Variants in MICU1 observed in about 807,000 individuals in gnomAD.
MICU1 encodes mitochondrial calcium uptake 1.
Under a neutral mutation model 56.8 loss-of-function variants are expected in MICU1, and 45 were observed. That is an observed-to-expected ratio of 0.79 (90% CI 0.62 to 1.02). MICU1 has a LOEUF of 1.02. MICU1 is among the 50% of genes least tolerant of loss of function. The pLI is 0.00. For missense variants in MICU1, 504 were observed against 587.1 expected (o/e 0.86, Z 1.46); for synonymous variants, 186 against 195.1 (o/e 0.95, Z 0.39).
chr10:72,438,942 C>G (rs986362745), intron 8 of MICU1, among the ~76,000 whole-genome samples: 1 of 152,110 alleles, frequency 6.6e-6, no homozygotes, highest in African/African-American at 2.4e-5. Flanking sequence ...CAGGACCAGA[C>G]GGATTCACAG....
At chr10:72,432,968 C>T (rs1480245274) in intron 8 of MICU1, among the ~76,000 whole-genome samples, 5 of 152,242 alleles carry the variant, frequency 3.3e-5, no homozygotes, top group Middle Eastern at 6.8e-3. Context: ...TTTTTTGAGA[C>T]GGAGTCTCAC....
At chr10:72,522,223 T>C (rs531720227) in intron 5 of MICU1, among the ~76,000 whole-genome samples, 5 of 152,102 alleles carry the variant, frequency 3.3e-5, no homozygotes, top group Admixed American at 6.5e-5. Context: ...TGTGCTAAAA[T>C]ATAAGAAAAA....
At chr10:72,602,542 C>T (rs1841568012) in intron 1 of MICU1, among the ~76,000 whole-genome samples, 2 of 151,892 alleles carry the variant, frequency 1.3e-5, no homozygotes, top group African/African-American at 4.8e-5. Flanking sequence ...GTTTAGGATA[C>T]AATACGCTTT....
intron 1 of MICU1, among the ~76,000 whole-genome samples, chr10:72,617,026 C>T (rs566847688): frequency 6.6e-6 from 1 of 152,330 alleles, no homozygotes; most frequent in South Asian, 2.1e-4. Context: ...TCCTTTGCTG[C>T]ACAATGTTCA....
intron 5 of MICU1, among the ~76,000 whole-genome samples, chr10:72,516,285 A>C (rs1867643335): frequency 6.6e-6 from 1 of 151,568 alleles, no homozygotes; most frequent in Non-Finnish European, 1.5e-5. Flanking sequence ...TGTTGGGGTT[A>C]TTTTTTTCTT....
At chr10:72,409,753 C>T (rs1863746335) in intron 9 of MICU1, among the ~76,000 whole-genome samples, 1 of 152,028 alleles carries the variant, frequency 6.6e-6, no homozygotes, top group South Asian at 2.1e-4. Context: ...TAATTTTTTT[C>T]CTTAGAATCA....
intron 8 of MICU1, among the ~76,000 whole-genome samples, chr10:72,450,359 T>C (rs745818633): frequency 1.3e-4 from 19 of 151,770 alleles, no homozygotes; most frequent in Non-Finnish European, 1.8e-4. Context: ...TTAAGAGTGA[T>C]TGATGAGATG....
intron 1 of MICU1, among the ~76,000 whole-genome samples, chr10:72,578,324 C>T (rs576303550): frequency 6.6e-6 from 1 of 152,048 alleles, no homozygotes; most frequent in Admixed American, 6.6e-5. Context: ...GTGGCATGAT[C>T]TTGGCTCACA....
chr10:72,387,711 A>G (rs150530274), intron 10 of MICU1, among the ~76,000 whole-genome samples: 1 of 151,846 alleles, frequency 6.6e-6, no homozygotes, highest in Non-Finnish European at 1.5e-5. Flanking sequence ...AAATGTCAAA[A>G]GTGACTAAAA....
At chr10:72,564,650 A>G (rs1258581316) in intron 2 of MICU1, among the ~76,000 whole-genome samples, 1 of 152,130 alleles carries the variant, frequency 6.6e-6, no homozygotes, top group African/African-American at 2.4e-5. Flanking sequence ...AGCCAAATAC[A>G]GTGATCTTGC....
chr10:72,537,556 A>C (rs906238059), intron 4 of MICU1, among the ~76,000 whole-genome samples: 1 of 152,152 alleles, frequency 6.6e-6, no homozygotes, highest in Non-Finnish European at 1.5e-5. Flanking sequence ...TATTCAAAGA[A>C]CTTTCAGTCA....
chr10:72,408,116 C>A (rs1232443144), intron 9 of MICU1, 79 bp from the exon 10 acceptor site: 5 of 807,636 alleles, frequency 6.2e-6, no homozygotes, highest in Non-Finnish European at 1.0e-5. Flanking sequence ...TGATTCACAT[C>A]TGCAAATCAG....
chr10:72,506,795 CT>C (rs1867267340), intron 6 of MICU1, among the ~76,000 whole-genome samples: 1 of 152,134 alleles, frequency 6.6e-6, no homozygotes, highest in South Asian at 2.1e-4. Context: ...GGGCTGGGAT[CT>C]GAACTAGAGA....
At chr10:72,600,501 T>G (rs975179734) in intron 1 of MICU1, among the ~76,000 whole-genome samples, 1 of 151,420 alleles carries the variant, frequency 6.6e-6, no homozygotes, top group Non-Finnish European at 1.5e-5. Context: ...ATATAAAAAT[T>G]AGCTGGGCAC....
intron 9 of MICU1, among the ~76,000 whole-genome samples, chr10:72,411,582 C>T (rs185561321): frequency 7.2e-5 from 11 of 152,176 alleles, no homozygotes; most frequent in African/African-American, 2.6e-4. Context: ...CCACCCGCCT[C>T]GGCCTCCCAA....
At chr10:72,521,993 TTGG>T (rs1293542013) in intron 5 of MICU1, among the ~76,000 whole-genome samples, 40 of 152,222 alleles carry the variant, frequency 2.6e-4, no homozygotes, top group Non-Finnish European at 2.8e-4. Context: ...TAATCTGTAA[TTGG>T]TGAAGTTTTT....
rs527878056 is a variant in MICU1 at position 72,554,786 on chromosome 10, G to A, written c.331-3445C>T. Reference sequence around the variant, plus strand: ...TCCCAGCACTTTGGGAAGCCAAGGCGGGTGGATCACTTGAGGTCAGGAGTT... The same window carrying A: ...TCCCAGCACTTTGGGAAGCCAAGGCAGGTGGATCACTTGAGGTCAGGAGTT... On this transcript the variant is annotated intron_variant, in intron 3 of 11. Coordinates refer to ENST00000361114, the MANE Select transcript of MICU1 (RefSeq NM_001195518.2). Among the ~76,000 whole-genome samples, 345 of 152,232 alleles carry A rather than the reference G, an allele frequency of 2.3e-3. 1 individual carries two copies. Among genetic ancestry groups the A allele is most frequent in the Middle Eastern group, 0.014 (4 of 292 alleles).
intron 1 of MICU1, among the ~76,000 whole-genome samples, chr10:72,612,011 C>A (rs868701974): frequency 2.0e-3 from 242 of 119,734 alleles, no homozygotes; most frequent in East Asian, 3.1e-3. Flanking sequence ...ACCAACCAAC[C>A]AAAAAAAAAA....
At chr10:72,464,227 C>G (rs1865719755) in intron 8 of MICU1, among the ~76,000 whole-genome samples, 1 of 141,582 alleles carries the variant, frequency 7.1e-6, no homozygotes, top group South Asian at 2.2e-4. Context: ...ACCCAAGAGG[C>G]AGAGGTTGCA....
Sources: gnomAD v4.1 joint callset for allele counts (sites outside exome capture counted in the v4.1 genomes callset) on GRCh38, gnomAD v4.1.1 for gene constraint, MANE v1.5 for transcripts, NCBI Gene and HGNC (gene_info 2026-07-23, HGNC 2026-07-21) for gene names.